Variants in BACH2 observed in about 807,000 individuals in gnomAD.
BACH2 encodes the protein BACH transcriptional regulator 2.
Under a neutral mutation model 61.8 loss-of-function variants are expected in BACH2, and 5 were observed. The ratio of observed to expected loss-of-function variants is 0.08; its 90% confidence interval spans 0.04 to 0.17. BACH2 has a LOEUF of 0.17. Ranked by LOEUF, BACH2 falls within the 10% of genes least tolerant of loss-of-function variation. The pLI is 1.00. For synonymous variants in BACH2, 446 were observed against 440.1 expected (o/e 1.01, Z -0.17); for missense variants, 824 against 1,091.1 (o/e 0.76, Z 3.45).
At chr6:90,270,626 C>G (rs62408237) in intron 2 of BACH2, among the ~76,000 whole-genome samples, 41,302 of 151,972 alleles carry the variant, frequency 0.27, 6,083 homozygotes, top group Non-Finnish European at 0.34. Flanking sequence ...TGAGTAGAAT[C>G]AATATTATGA....
At chr6:90,068,443 A>C (rs1177475350) in intron 5 of BACH2, among the ~76,000 whole-genome samples, 2 of 152,100 alleles carry the variant, frequency 1.3e-5, no homozygotes, top group Non-Finnish European at 2.9e-5. Flanking sequence ...TTCTCATGTG[A>C]ATGTCAGGAC....
At chr6:90,026,524 A>G (rs1778645301) in intron 5 of BACH2, among the ~76,000 whole-genome samples, 1 of 152,178 alleles carries the variant, frequency 6.6e-6, no homozygotes, top group Non-Finnish European at 1.5e-5. Context: ...TGCCAAAGTT[A>G]GATTCATCTG....
At chr6:90,198,309 G>A (rs908017416) in intron 4 of BACH2, among the ~76,000 whole-genome samples, 2 of 152,116 alleles carry the variant, frequency 1.3e-5, no homozygotes, top group Non-Finnish European at 2.9e-5. Flanking sequence ...ATGCCCCCAT[G>A]ATTCCTTGAC....
intron 4 of BACH2, among the ~76,000 whole-genome samples, chr6:90,129,538 T>C (rs898677968): frequency 5.3e-5 from 8 of 152,138 alleles, no homozygotes; most frequent in South Asian, 2.1e-4. Context: ...CTTTAAGTTC[T>C]AGGGTACATG....
intron 4 of BACH2, among the ~76,000 whole-genome samples, chr6:90,184,428 A>T (rs897959004): frequency 2.0e-5 from 3 of 152,234 alleles, no homozygotes; most frequent in African/African-American, 7.2e-5. Context: ...TCTGAACCTC[A>T]TCAACAGTTG....
intron 7 of BACH2, among the ~76,000 whole-genome samples, chr6:89,939,959 C>G (rs1311755445): frequency 6.6e-6 from 1 of 151,416 alleles, no homozygotes; most frequent in African/African-American, 2.4e-5. Flanking sequence ...TACTCAGCCT[C>G]CCAAAGTGTT....
intron 4 of BACH2, among the ~76,000 whole-genome samples, chr6:90,116,279 T>C (rs1473596714): frequency 2.0e-5 from 3 of 152,194 alleles, no homozygotes; most frequent in Non-Finnish European, 4.4e-5. Flanking sequence ...AAAGAAAATG[T>C]GGTACATATA....
chr6:90,133,810 C>T (rs888394227), intron 4 of BACH2, among the ~76,000 whole-genome samples: 11 of 152,000 alleles, frequency 7.2e-5, no homozygotes, highest in South Asian at 2.1e-4. Context: ...TTTGCCCTTG[C>T]GATAGTTTGC....
intron 6 of BACH2, among the ~76,000 whole-genome samples, chr6:90,002,890 G>A (rs149534774): frequency 1.3e-5 from 2 of 152,174 alleles, no homozygotes; most frequent in East Asian, 1.9e-4. Flanking sequence ...AATAGTTGAG[G>A]CCCTAAGCCT....
At chr6:90,067,612 T>A (rs1269865286) in intron 5 of BACH2, among the ~76,000 whole-genome samples, 1 of 151,914 alleles carries the variant, frequency 6.6e-6, no homozygotes, top group East Asian at 1.9e-4. Flanking sequence ...ACAGTGAAGG[T>A]CGGGAAGGAG....
chr6:90,166,082 T>G (rs769916874), intron 4 of BACH2, among the ~76,000 whole-genome samples: 1 of 151,962 alleles, frequency 6.6e-6, no homozygotes, highest in Non-Finnish European at 1.5e-5. Flanking sequence ...ACTAAAGAGC[T>G]TCTGCACAGC....
intron 5 of BACH2, among the ~76,000 whole-genome samples, chr6:90,055,119 T>C (rs57828336): frequency 0.017 from 2,524 of 152,282 alleles, 81 homozygotes; most frequent in East Asian, 0.14. Flanking sequence ...CAAAGCTGGA[T>C]GGAGAATGAC....
At chr6:90,246,318 T>TA (rs1477310474) in intron 3 of BACH2, among the ~76,000 whole-genome samples, 1 of 152,216 alleles carries the variant, frequency 6.6e-6, no homozygotes, top group Non-Finnish European at 1.5e-5. Context: ...CTGAAAGTTA[T>TA]AAAACATCAA....
chr6:90,229,609 C>T (rs1162492172), intron 3 of BACH2, among the ~76,000 whole-genome samples: 1 of 152,184 alleles, frequency 6.6e-6, no homozygotes, highest in East Asian at 1.9e-4. Flanking sequence ...GAGGAAAAAG[C>T]ACGATAACTT....
At chr6:89,957,678 C>G (rs1231045133) in intron 6 of BACH2, among the ~76,000 whole-genome samples, 3 of 152,112 alleles carry the variant, frequency 2.0e-5, no homozygotes, top group African/African-American at 7.2e-5. Context: ...ATAGCTGGGA[C>G]TATCGGCATA....
intron 5 of BACH2, among the ~76,000 whole-genome samples, chr6:90,048,068 A>T (rs1005471085): frequency 6.6e-6 from 1 of 152,156 alleles, no homozygotes; most frequent in African/African-American, 2.4e-5. Flanking sequence ...TCTGTGGCAT[A>T]TTCTATGAAG....
chr6:90,071,754 G>A (rs1304173273), intron 5 of BACH2, among the ~76,000 whole-genome samples: 2 of 152,176 alleles, frequency 1.3e-5, no homozygotes, highest in East Asian at 1.9e-4. Context: ...CCGGCTGTTG[G>A]CTGAAAGCCT....
chr6:90,230,464 G>A (rs548968539), intron 3 of BACH2, among the ~76,000 whole-genome samples: 15 of 152,288 alleles, frequency 9.8e-5, no homozygotes, highest in Non-Finnish European at 1.3e-4. Flanking sequence ...GTAAATATAA[G>A]CTGAGCTGAT....
At chr6:90,223,090 G>A (rs575295493) in intron 3 of BACH2, among the ~76,000 whole-genome samples, 9 of 152,284 alleles carry the variant, frequency 5.9e-5, no homozygotes, top group East Asian at 5.8e-4. Flanking sequence ...GTGTGCTCTC[G>A]CCATTGCTCC....
Sources: allele counts gnomAD v4.1 joint callset (sites outside exome capture counted in the v4.1 genomes callset), GRCh38; gene constraint gnomAD v4.1.1; transcripts MANE v1.5; gene names NCBI Gene and HGNC (gene_info 2026-07-23, HGNC 2026-07-21).